Variants in RAB3IL1 observed in about 807,000 individuals in gnomAD.
The protein encoded by RAB3IL1 is RAB3A interacting protein like 1, also known as guanine nucleotide exchange factor for Rab-3A.
A neutral mutation model predicts 49.2 loss-of-function variants in RAB3IL1; 37 were observed. That is an observed-to-expected ratio of 0.75 (90% CI 0.58 to 0.99). The LOEUF (loss-of-function observed/expected upper bound fraction) is 0.99, where lower values mean the gene tolerates loss of function less well. RAB3IL1 is among the 50% of genes least tolerant of loss of function. RAB3IL1 has a pLI of 0.00. For synonymous variants in RAB3IL1, 193 were observed against 213.9 expected, an observed-to-expected ratio of 0.90 and a Z score of 0.85; for missense variants, 484 against 513.0, an observed-to-expected ratio of 0.94 and a Z score of 0.55.
intron 1 of RAB3IL1, among the ~76,000 whole-genome samples, chr11:61,909,871 C>T (rs969106475): frequency 6.6e-6 from 1 of 152,180 alleles, no homozygotes. Flanking sequence ...CTTTGGGAGG[C>T]TGAGGCAGGT....
chr11:61,907,540 T>A (rs367656405), intron 3 of RAB3IL1, 25 bp downstream of exon 3: 30 of 1,613,798 alleles, frequency 1.9e-5, no homozygotes, highest in Non-Finnish European at 2.5e-5. Context: ...ATTCCCCAAG[T>A]TGTTCCCGCG....
the RAB3IL1 span, among the ~76,000 whole-genome samples, chr11:61,944,211 C>T: frequency 6.9e-6 from 1 of 145,076 alleles, no homozygotes; most frequent in Admixed American, 6.8e-5. Context: ...CTTTCCTTCC[C>T]TTCCTTCCCT....
chr11:61,899,284 T>C, intron 9 of RAB3IL1, 30 bp downstream of exon 9: 3 of 1,595,448 alleles, frequency 1.9e-6, no homozygotes, highest in Non-Finnish European at 1.7e-6. Flanking sequence ...CCGTGTGCGA[T>C]CCCTGCACCG....
rs981009734 is a variant in RAB3IL1 at position 61,898,680 on chromosome 11, C to T, written c.1067-320G>A. On this transcript the variant is annotated intron_variant, in intron 9 of 9. Transcript: ENST00000394836. The surrounding 1 kb of genome is among the most constrained non-coding windows in gnomAD (Gnocchi z 5.1). ...GTCCAGACCTGGGAACTACATTAGA[C>T]AAGGCACAGATGCCTCCCTGGGGTC... is the stretch of plus-strand genomic sequence containing the variant. 6.6e-6 allele frequency among the ~76,000 whole-genome samples: 1 copy of T among 152,238 alleles called. No individual in the cohort carries two copies. Among genetic ancestry groups the T allele is most frequent in the African/African-American group, 2.4e-5 (1 of 41,456 alleles).
the RAB3IL1 span, among the ~76,000 whole-genome samples, chr11:61,940,037 G>C: frequency 4.9e-4 from 74 of 152,184 alleles, no homozygotes; most frequent in African/African-American, 1.7e-3. Flanking sequence ...CTAGCTACTG[G>C]GGAGGTTGAG....
At chr11:61,911,797 G>A (rs566678831) in intron 1 of RAB3IL1, among the ~76,000 whole-genome samples, 1 of 152,296 alleles carries the variant, frequency 6.6e-6, no homozygotes, top group South Asian at 2.1e-4. Context: ...ACTGCCGAGA[G>A]GCCCAGGCAG....
chr11:61,899,540 A>C, intron 8 of RAB3IL1, 160 bp from the exon 9 acceptor site: 1 of 622,134 alleles, frequency 1.6e-6, no homozygotes, highest in Non-Finnish European at 2.9e-6. Context: ...AATCAACAAC[A>C]GCATGACTAG....
intron 8 of RAB3IL1, chr11:61,899,646 GA>G (rs1039318461): frequency 6.9e-6 from 3 of 432,330 alleles, no homozygotes; most frequent in Non-Finnish European, 1.3e-5. Flanking sequence ...TTACATGGGG[GA>G]AAGCGGAGCC....
Position 61,917,497 on chromosome 11 carries a change from G to A in RAB3IL1, c.-130C>T, listed in dbSNP as rs739789. Reference sequence around the variant, plus strand: ...CCGCCTGTCAGCCCTGCCCGCGGCCGGTCAGTAGGTCTCAGACGCCTGGGC... The same window carrying A: ...CCGCCTGTCAGCCCTGCCCGCGGCCAGTCAGTAGGTCTCAGACGCCTGGGC... On this transcript the variant is annotated 5_prime_UTR_variant, in exon 1 of 10. Coordinates refer to ENST00000394836, the MANE Select transcript of RAB3IL1 (RefSeq NM_013401.4). 0.45 allele frequency: 514,229 copies of A among 1,137,636 alleles called. 122,813 individuals are homozygous for A. The highest frequency in any genetic ancestry group is 0.49 in the Non-Finnish European group (456,502 of 929,124). The allele number at this position is 1,137,636 out of a possible 1,614,324, so 70.5% of individuals were successfully genotyped here. A position where few individuals can be genotyped will look rare whatever the true frequency, so the allele number is the denominator to read the frequency against.
At position 61,899,301 on chromosome 11, in the gene RAB3IL1, A is replaced by AG. The variant is rs34790751; in HGVS notation, c.1066+12dup. The stretch of plus-strand genomic sequence containing the variant: ...GTGTGCGATCCCTGCACCGGCCACC[A>AG]GGGGGCGCTCACCGTCCTGCCGCAC... On this transcript the variant is annotated intron_variant, in intron 9 of 9. Coordinates refer to ENST00000394836, the MANE Select transcript of RAB3IL1 (RefSeq NM_013401.4). 6.2e-7 allele frequency: 1 copy of AG among 1,602,754 alleles called. No individual in the cohort carries two copies. Among genetic ancestry groups the AG allele is most frequent in the Non-Finnish European group, 8.5e-7 (1 of 1,178,924 alleles).
rs1939753313 is a variant in RAB3IL1, at chr11:61,917,499, T to C, written c.-132A>G. 1.8e-6 allele frequency: 2 copies of C among 1,132,706 alleles called. No homozygotes were observed. The highest frequency in any genetic ancestry group is 2.2e-6 in the Non-Finnish European group (2 of 925,766). 70.2% of individuals were successfully genotyped at this position (1,132,706 alleles called of 1,614,324 possible). A position where few individuals can be genotyped will look rare whatever the true frequency, so the allele number is the denominator to read the frequency against. On this transcript the variant is annotated 5_prime_UTR_variant, in exon 1 of 10. Transcript: ENST00000394836. ...GCCTGTCAGCCCTGCCCGCGGCCGG[T>C]CAGTAGGTCTCAGACGCCTGGGCTC...
At chr11:61,942,053 A>G in the RAB3IL1 span, among the ~76,000 whole-genome samples, 4 of 152,054 alleles carry the variant, frequency 2.6e-5, no homozygotes, top group Non-Finnish European at 5.9e-5. Flanking sequence ...TCTACTAAAA[A>G]TACAAAAATT....
chr11:61,902,449 C>A lies in RAB3IL1; in HGVS notation c.992G>T (p.Arg331Leu). The A allele has an allele frequency of 6.3e-7, 1 of 1,590,264 alleles. No homozygotes were observed. The highest frequency in any genetic ancestry group is 2.3e-5 in the East Asian group (1 of 43,942). ...KSHYYISPSS[R>L]ARITAVCNFF... The stretch of plus-strand genomic sequence containing the variant: ...TTGCAAAGGCTGACTCACCCTGGCC[C>A]GGGAAGATGGCGAGATGTAGTAATG... The change falls in exon 8 of 10, where the codon CGG (arginine) becomes CTG (leucine). Residue 331 changes from arginine (R) to leucine (L), a missense_variant. By Grantham distance (102) the Arg-to-Leu change is moderately radical. Transcript: ENST00000394836.
chr11:61,932,174 C>A, the RAB3IL1 span, among the ~76,000 whole-genome samples: 1 of 151,892 alleles, frequency 6.6e-6, no homozygotes, highest in Non-Finnish European at 1.5e-5. Context: ...TGGCGTGAAC[C>A]CGGGAGGTGG....
At chr11:61,934,319 T>TACACGCAC in the RAB3IL1 span, among the ~76,000 whole-genome samples, 194 of 126,558 alleles carry the variant, frequency 1.5e-3, 3 homozygotes, top group African/African-American at 5.3e-3. Context: ...TGAGTAAATA[T>TACACGCAC]ACACACACAC....
At chr11:61,899,435 TG>T (rs1938790872) in intron 8 of RAB3IL1, 55 bp from the exon 9 acceptor site, 1 of 1,548,908 alleles carries the variant, frequency 6.5e-7, no homozygotes, top group Admixed American at 1.8e-5. Flanking sequence ...GGGGGTCCCC[TG>T]ACAGGCGGAT....
At chr11:61,935,224 A>T in the RAB3IL1 span, among the ~76,000 whole-genome samples, 1 of 152,084 alleles carries the variant, frequency 6.6e-6, no homozygotes, top group South Asian at 2.1e-4. Context: ...GTTCAAGACC[A>T]GCCTGGCCAA....
At chr11:61,930,515 A>ACATGG in the RAB3IL1 span, among the ~76,000 whole-genome samples, 3 of 152,332 alleles carry the variant, frequency 2.0e-5, no homozygotes, top group South Asian at 6.2e-4. Context: ...ATGGTGAATT[A>ACATGG]TGCATGTAAT....
Position 61,917,456 on chromosome 11 carries a change from G to A in RAB3IL1, c.-89C>T. On this transcript the variant is annotated 5_prime_UTR_variant, in exon 1 of 10. Coordinates refer to ENST00000394836, the MANE Select transcript of RAB3IL1 (RefSeq NM_013401.4). ...CCCCGCCCGCCGCCGACTCCGCCAG[G>A]GGCCGAGCCGCCCCACCGCCTGTCA... is the stretch of plus-strand genomic sequence containing the variant. 3 of 1,167,072 alleles carry A rather than the reference G, an allele frequency of 2.6e-6. No homozygotes were observed. The highest frequency in any genetic ancestry group is 1.6e-5 in the African/African-American group (1 of 61,786). The allele number at this position is 1,167,072 out of a possible 1,614,324, so 72.3% of individuals were successfully genotyped here.
Sources: gnomAD v4.1 joint callset for allele counts (sites outside exome capture counted in the v4.1 genomes callset) on GRCh38, gnomAD v4.1.1 for gene constraint, Gnocchi (gnomAD v3.1) non-coding constraint, MANE v1.5 for transcripts, NCBI Gene and HGNC (gene_info 2026-07-23, HGNC 2026-07-21) for gene names.